ING5: variants seen among roughly 807,000 people sequenced by gnomAD.
ING5 encodes the protein inhibitor of growth protein 5.
A neutral mutation model predicts 37.4 loss-of-function variants in ING5; 17 were observed. The observed-to-expected ratio is 0.45, with a 90% CI of 0.31 to 0.68. The LOEUF (loss-of-function observed/expected upper bound fraction) is 0.68, where lower values mean the gene tolerates loss of function less well. ING5 is among the 30% of genes least tolerant of loss of function. The pLI is 0.05. For synonymous variants in ING5, 123 were observed against 116.6 expected (o/e 1.06, Z -0.36); for missense variants, 233 against 311.9 (o/e 0.75, Z 1.91).
At chr2:241,702,159 A>T (rs1383690397) in intron 1 of ING5, 57 bp downstream of exon 1, 16 of 1,095,582 alleles carry the variant, frequency 1.5e-5, no homozygotes, top group Middle Eastern at 5.4e-4. Context: ...TCCGTGCCGC[A>T]GCCCCCCGCG....
chr2:241,705,370 G>A (rs1324497401), intron 2 of ING5, among the ~76,000 whole-genome samples: 1 of 148,560 alleles, frequency 6.7e-6, no homozygotes, highest in South Asian at 2.2e-4. Flanking sequence ...GAGCCACCTC[G>A]CCTGGCCCTA....
At position 241,715,649 on chromosome 2, in the gene ING5, A is replaced by AT. The variant is rs1052801945; in HGVS notation, c.482+3587dup. Among the ~76,000 whole-genome samples the AT allele has an allele frequency of 6.0e-5, 9 of 149,238 alleles. No homozygotes were observed. In the East Asian group the frequency reaches 7.8e-4, roughly 13 times the overall value. On this transcript the variant is annotated intron_variant, in intron 5 of 7. Coordinates refer to ENST00000313552, the MANE Select transcript of ING5 (RefSeq NM_032329.6). ...AGGCACGTATCACCATGCCTGGCTA[A>AT]TTTTTTTTTGTATTTTTAGTAGAGA...
At position 241,725,079 on chromosome 2, in the gene ING5, A is replaced by C. The variant is rs752171294; in HGVS notation, c.*48A>C. The C allele has an allele frequency of 1.3e-6, 2 of 1,585,636 alleles. No homozygotes were observed. The highest frequency in any genetic ancestry group is 2.7e-5 in the African/African-American group (2 of 74,414). ...GAGGAGCAAGTTAATCTGTCCCTTCATTCGTGTCGCAATATTTCCCTTCCT... is the reference window on the plus strand; with the variant it reads ...GAGGAGCAAGTTAATCTGTCCCTTCCTTCGTGTCGCAATATTTCCCTTCCT... On this transcript the variant is annotated 3_prime_UTR_variant, in exon 8 of 8. Transcript: ENST00000313552.
At chr2:241,702,452 G>A (rs1331613452) in intron 1 of ING5, among the ~76,000 whole-genome samples, 1 of 151,372 alleles carries the variant, frequency 6.6e-6, no homozygotes. Context: ...CTCCGGCCCC[G>A]GCCCCGCCAG....
intron 5 of ING5, among the ~76,000 whole-genome samples, chr2:241,716,261 C>G (rs918105532): frequency 1.0e-4 from 15 of 147,460 alleles, no homozygotes; most frequent in Non-Finnish European, 2.2e-4. Context: ...TTTTTCCCCA[C>G]TCTTGTCTTA....
chr2:241,695,005 C>T (rs1414445521), intron 2 of ING5, among the ~76,000 whole-genome samples: 2 of 143,642 alleles, frequency 1.4e-5, no homozygotes, highest in Non-Finnish European at 3.0e-5. Context: ...TGCGACAGAG[C>T]AAGACTCCGT....
chr2:241,711,665 C>G (rs1480205656), intron 4 of ING5, 177 bp downstream of exon 4: 1 of 594,552 alleles, frequency 1.7e-6, no homozygotes, highest in Non-Finnish European at 2.9e-6. Context: ...CTTTGGGAGG[C>G]TGAGGCAGGA....
chr2:241,700,976 T>C (rs2069709105), upstream of ING5, among the ~76,000 whole-genome samples: 1 of 109,900 alleles, frequency 9.1e-6, no homozygotes. Flanking sequence ...TCTTAAAATT[T>C]TCTTTTTTTT....
At chr2:241,712,202 G>A (rs796390631) in intron 5 of ING5, 131 bp downstream of exon 5, 15 of 746,832 alleles carry the variant, frequency 2.0e-5, no homozygotes, top group African/African-American at 1.6e-4. Context: ...TGATTCTTAC[G>A]CTGCGCGCCT....
chr2:241,713,411 C>T (rs1454431547), intron 5 of ING5, among the ~76,000 whole-genome samples: 1 of 140,716 alleles, frequency 7.1e-6, no homozygotes, highest in African/African-American at 2.7e-5. Context: ...TGCTCTGTCC[C>T]TCAGGCTGGA....
At chr2:241,713,367 G>GTTTTTTT (rs1166786436) in intron 5 of ING5, among the ~76,000 whole-genome samples, 1 of 102,312 alleles carries the variant, frequency 9.8e-6, no homozygotes, top group Non-Finnish European at 1.9e-5. Context: ...CCAATTTTCA[G>GTTTTTTT]TTTTTTTTTT....
Position 241,712,016 on chromosome 2 carries a change from C to G in ING5, c.427C>G (p.Arg143Gly). 6.2e-7 allele frequency: 1 copy of G among 1,611,934 alleles called. No individual in the cohort carries two copies. Among genetic ancestry groups the G allele is most frequent in the Non-Finnish European group, 8.5e-7 (1 of 1,179,166 alleles). Residue 143 changes from arginine (R) to glycine (G), a missense_variant, in exon 5 of 8, where the codon CGA (arginine) becomes GGA (glycine). Transcript: ENST00000313552. ...GQKEKRGSRG[R>G]GRRTSEEDTP... ...GAAAGAAAAAAGAGGGTCCCGGGGC[C>G]GAGGCAGGAGGACATCAGAGGAAGA...
chr2:241,712,115 T>G (rs765739744), intron 5 of ING5, 44 bp downstream of exon 5: 1 of 1,426,942 alleles, frequency 7.0e-7, no homozygotes, highest in East Asian at 2.4e-5. Flanking sequence ...CGAATACCCA[T>G]AGCCTGTATC....
intron 5 of ING5, chr2:241,722,284 CG>C: frequency 1.0e-6 from 1 of 985,328 alleles, no homozygotes; most frequent in Non-Finnish European, 1.2e-6. Flanking sequence ...CCAAAGGGGC[CG>C]GGGTCTTTGG....
chr2:241,695,016 C>A (rs1047465317), intron 2 of ING5, among the ~76,000 whole-genome samples: 1 of 145,094 alleles, frequency 6.9e-6, no homozygotes, highest in Non-Finnish European at 1.5e-5. Flanking sequence ...AAGACTCCGT[C>A]TCAAAAAAAA....
At chr2:241,698,916 T>C (rs1403040830), upstream of ING5, among the ~76,000 whole-genome samples, 1 of 152,062 alleles carries the variant, frequency 6.6e-6, no homozygotes. Flanking sequence ...TTAATAGAGA[T>C]GGGGTTTCTC....
intron 2 of ING5, among the ~76,000 whole-genome samples, chr2:241,705,796 C>T (rs942486795): frequency 6.6e-6 from 1 of 152,150 alleles, no homozygotes; most frequent in African/African-American, 2.4e-5. Flanking sequence ...ACGTATATGG[C>T]ACAGGCAGCT....
intron 2 of ING5, among the ~76,000 whole-genome samples, chr2:241,690,837 C>T (rs1222971808): frequency 6.6e-6 from 1 of 150,920 alleles, no homozygotes; most frequent in Non-Finnish European, 1.5e-5. Flanking sequence ...CAGACAGCCT[C>T]GGTCTGTTAC....
chr2:241,699,701 C>T (rs890620543), upstream of ING5, among the ~76,000 whole-genome samples: 15 of 151,592 alleles, frequency 9.9e-5, no homozygotes, highest in African/African-American at 3.4e-4. Flanking sequence ...GCGGGGGGTT[C>T]TGGGGCCTAC....
Sources: gnomAD v4.1 joint callset for allele counts (sites outside exome capture counted in the v4.1 genomes callset) on GRCh38, gnomAD v4.1.1 for gene constraint, MANE v1.5 for transcripts, NCBI Gene and HGNC (gene_info 2026-07-23, HGNC 2026-07-21) for gene names.